The following PCDH15 variants were observed in gnomAD, a reference collection of about 807,000 sequenced individuals.
PCDH15 encodes protocadherin related 15.
Under a neutral mutation model 178.5 loss-of-function variants are expected in PCDH15, and 129 were observed. The observed-to-expected ratio is 0.72, with a 90% confidence interval of 0.63 to 0.84. The LOEUF is 0.84. PCDH15 is among the 40% of genes least tolerant of loss of function. The pLI is 0.00. For missense variants in PCDH15, 2,230 were observed against 2,099.9 expected (o/e 1.06, Z -1.21); for synonymous variants, 800 against 732.0 (o/e 1.09, Z -1.50).
At chr10:55,084,833 A>G (rs780094270) in intron 2 of PCDH15, among the ~76,000 whole-genome samples, 2 of 152,084 alleles carry the variant, frequency 1.3e-5, no homozygotes, top group Non-Finnish European at 2.9e-5. Flanking sequence ...AGTGCTCAAC[A>G]TCACTGATCA....
chr10:54,042,032 T>C (rs2093558884), intron 18 of PCDH15, among the ~76,000 whole-genome samples: 1 of 152,090 alleles, frequency 6.6e-6, no homozygotes, highest in Non-Finnish European at 1.5e-5. Context: ...GTTTTCTATA[T>C]AATGGCATAA....
intron 2 of PCDH15, among the ~76,000 whole-genome samples, chr10:55,110,257 C>T (rs144147687): frequency 6.6e-6 from 1 of 152,042 alleles, no homozygotes; most frequent in African/African-American, 2.4e-5. Context: ...TCTAAGGATA[C>T]AGAAATCACA....
At chr10:55,179,984 T>C (rs1187716069) in intron 1 of PCDH15, among the ~76,000 whole-genome samples, 1 of 151,996 alleles carries the variant, frequency 6.6e-6, no homozygotes, top group Non-Finnish European at 1.5e-5. Context: ...ATTTCTATTC[T>C]AAGGGAGTTT....
intron 2 of PCDH15, among the ~76,000 whole-genome samples, chr10:55,608,599 C>T (rs1843286233): frequency 6.6e-6 from 1 of 151,790 alleles, no homozygotes; most frequent in Non-Finnish European, 1.5e-5. Flanking sequence ...CTAGATCCTG[C>T]CGCTCACCAC....
At chr10:54,649,167 G>C (rs1031916132) in intron 2 of PCDH15, among the ~76,000 whole-genome samples, 1 of 152,240 alleles carries the variant, frequency 6.6e-6, no homozygotes, top group African/African-American at 2.4e-5. Flanking sequence ...CAAATACTCA[G>C]AAAGGCAGCT....
rs1231038079 is a variant in PCDH15, at chr10:53,810,597, C to T, written c.4630G>A (p.Glu1544Lys). The T allele has an allele frequency of 6.2e-7, 1 of 1,613,768 alleles. No homozygotes were observed. The highest frequency in any genetic ancestry group is 1.7e-5 in the Admixed American group (1 of 60,008). ...LPPAGQEEYG[E>K]VVGEAEEEYE... ...TCTTCCTCAGCTTCACCAACCACCT[C>T]ACCATATTCCTCCTGTCCAGCTGGT... Residue 1544 changes from glutamate (E) to lysine (K), a missense_variant, in exon 37 of 38, where the codon GAG (glutamate) becomes AAG (lysine). Transcript: ENST00000644397.
intron 2 of PCDH15, among the ~76,000 whole-genome samples, chr10:55,578,535 A>C (rs1187821550): frequency 6.6e-6 from 1 of 152,126 alleles, no homozygotes; most frequent in Non-Finnish European, 1.5e-5. Context: ...ACAGTATTTT[A>C]AAGTGATAAT....
chr10:55,092,455 G>GA (rs1842341299), intron 2 of PCDH15, among the ~76,000 whole-genome samples: 3 of 151,718 alleles, frequency 2.0e-5, no homozygotes, highest in Admixed American at 2.0e-4. Flanking sequence ...AAGGTATTTA[G>GA]AAAAAAATTA....
intron 3 of PCDH15, among the ~76,000 whole-genome samples, chr10:54,871,994 A>G (rs1954048683): frequency 6.6e-6 from 1 of 152,168 alleles, no homozygotes; most frequent in Admixed American, 6.5e-5. Flanking sequence ...GCTGTGTGTC[A>G]GGCATAACTA....
At chr10:54,317,012 T>G (rs2133641294) in intron 8 of PCDH15, among the ~76,000 whole-genome samples, 1 of 152,272 alleles carries the variant, frequency 6.6e-6, no homozygotes, top group Middle Eastern at 3.4e-3. Context: ...CCTTGGTGAT[T>G]TATTGGTAAA....
chr10:55,105,462 A>G (rs907330111), intron 2 of PCDH15, among the ~76,000 whole-genome samples: 10 of 152,316 alleles, frequency 6.6e-5, no homozygotes, highest in Middle Eastern at 3.4e-3. Flanking sequence ...GGCAAATACT[A>G]ATACAACTTA....
chr10:54,459,049 C>T (rs1026686029), intron 3 of PCDH15, among the ~76,000 whole-genome samples: 2 of 152,062 alleles, frequency 1.3e-5, no homozygotes, highest in Non-Finnish European at 2.9e-5. Flanking sequence ...CTCTGGCTTC[C>T]TTTCCTATCT....
intron 3 of PCDH15, among the ~76,000 whole-genome samples, chr10:54,505,306 A>G (rs2081076221): frequency 6.6e-6 from 1 of 152,100 alleles, no homozygotes; most frequent in Non-Finnish European, 1.5e-5. Flanking sequence ...CTCTGTATGT[A>G]GCTAATAACA....
chr10:54,220,422 A>AAACTCTTTC (rs1467979662), intron 9 of PCDH15, among the ~76,000 whole-genome samples: 1 of 152,210 alleles, frequency 6.6e-6, no homozygotes, highest in African/African-American at 2.4e-5. Flanking sequence ...TTCAGAGTGT[A>AAACTCTTTC]AACTCTTTCC....
At chr10:53,968,211 G>A (rs2089258094) in intron 21 of PCDH15, among the ~76,000 whole-genome samples, 1 of 152,146 alleles carries the variant, frequency 6.6e-6, no homozygotes, top group African/African-American at 2.4e-5. Context: ...TATATCCCAC[G>A]CCTGGCTCAG....
intron 2 of PCDH15, among the ~76,000 whole-genome samples, chr10:55,519,965 A>G (rs1841119229): frequency 6.7e-6 from 1 of 150,058 alleles, no homozygotes; most frequent in South Asian, 2.1e-4. Flanking sequence ...AACGCGGGAT[A>G]AATGTACCTA....
At chr10:55,509,070 C>T (rs1470809195) in intron 2 of PCDH15, among the ~76,000 whole-genome samples, 3 of 151,434 alleles carry the variant, frequency 2.0e-5, no homozygotes, top group Non-Finnish European at 4.4e-5. Flanking sequence ...ACATGACAGA[C>T]AGTCAGAGAA....
chr10:54,093,538 A>C, intron 15 of PCDH15, among the ~76,000 whole-genome samples: 1 of 152,178 alleles, frequency 6.6e-6, no homozygotes, highest in East Asian at 1.9e-4. Flanking sequence ...CAACAGAAGC[A>C]TTTACCCTTC....
intron 16 of PCDH15, among the ~76,000 whole-genome samples, chr10:54,086,284 T>C (rs2094515931): frequency 6.6e-6 from 1 of 152,046 alleles, no homozygotes; most frequent in African/African-American, 2.4e-5. Context: ...AGGCTCCTTT[T>C]TTACAACCAT....
Sources: gnomAD v4.1 joint callset for allele counts (sites outside exome capture counted in the v4.1 genomes callset) on GRCh38, gnomAD v4.1.1 for gene constraint, MANE v1.5 for transcripts, NCBI Gene and HGNC (gene_info 2026-07-23, HGNC 2026-07-21) for gene names.